Variants in ZNF385D observed in about 807,000 individuals in gnomAD.
ZNF385D encodes zinc finger protein 385D.
ZNF385D carries 15 observed loss-of-function variants against 35.8 expected under a neutral mutation model. The ratio of observed to expected loss-of-function variants is 0.42; its 90% CI spans 0.28 to 0.64. The LOEUF (loss-of-function observed/expected upper bound fraction) is 0.64, where lower values mean the gene tolerates loss of function less well. Ranked by LOEUF, ZNF385D falls within the 30% of genes least tolerant of loss-of-function variation. ZNF385D has a pLI of 0.23. For synonymous variants in ZNF385D, 212 were observed against 186.8 expected, an observed-to-expected ratio of 1.13 and a Z score of -1.10; for missense variants, 474 against 494.6, an observed-to-expected ratio of 0.96 and a Z score of 0.39.
intron 3 of ZNF385D, among the ~76,000 whole-genome samples, chr3:21,903,820 C>CGAA (rs1699537474): frequency 6.6e-6 from 1 of 152,084 alleles, no homozygotes; most frequent in Non-Finnish European, 1.5e-5. Context: ...AGCAGAAAGA[C>CGAA]TTTCCTGTGA....
intron 2 of ZNF385D, among the ~76,000 whole-genome samples, chr3:21,612,339 C>T (rs1348332871): frequency 6.6e-6 from 1 of 152,066 alleles, no homozygotes; most frequent in Admixed American, 6.6e-5. Context: ...ACCTCGTGAT[C>T]TGCCCACCTC....
chr3:22,317,427 C>T (rs184261170), intron 2 of ZNF385D, among the ~76,000 whole-genome samples: 1 of 151,962 alleles, frequency 6.6e-6, no homozygotes, highest in African/African-American at 2.4e-5. Flanking sequence ...GGAGTCATCA[C>T]CACCTCTAGA....
chr3:21,833,624 G>A (rs1695141448), intron 3 of ZNF385D, among the ~76,000 whole-genome samples: 1 of 152,134 alleles, frequency 6.6e-6, no homozygotes, highest in Non-Finnish European at 1.5e-5. Flanking sequence ...AATTTCTGTT[G>A]TTTTAAGACG....
chr3:22,189,711 G>C (rs1360015573), intron 2 of ZNF385D, among the ~76,000 whole-genome samples: 2 of 152,116 alleles, frequency 1.3e-5, no homozygotes, highest in Non-Finnish European at 2.9e-5. Flanking sequence ...GATATTTTTA[G>C]ATTTGTATGC....
At chr3:21,721,437 A>C (rs1221658911) in intron 1 of ZNF385D, among the ~76,000 whole-genome samples, 1 of 152,112 alleles carries the variant, frequency 6.6e-6, no homozygotes, top group African/African-American at 2.4e-5. Context: ...AGAGAGCATC[A>C]ACATTTGGCA....
intron 3 of ZNF385D, among the ~76,000 whole-genome samples, chr3:21,897,410 G>C (rs1048424578): frequency 2.6e-5 from 4 of 152,150 alleles, no homozygotes; most frequent in African/African-American, 9.7e-5. Flanking sequence ...CTCATGACTA[G>C]CTGCAAAATC....
chr3:22,312,106 C>T (rs1238747768), intron 2 of ZNF385D, among the ~76,000 whole-genome samples: 1 of 152,100 alleles, frequency 6.6e-6, no homozygotes, highest in Non-Finnish European at 1.5e-5. Context: ...GCAAAATTGC[C>T]TAAGTTCATA....
intron 3 of ZNF385D, among the ~76,000 whole-genome samples, chr3:21,978,561 C>T (rs769024577): frequency 6.6e-6 from 1 of 152,164 alleles, no homozygotes; most frequent in Non-Finnish European, 1.5e-5. Context: ...TGATCTGAGA[C>T]ATACGTTTGT....
At chr3:21,959,688 G>A (rs929482798) in intron 3 of ZNF385D, among the ~76,000 whole-genome samples, 1 of 152,178 alleles carries the variant, frequency 6.6e-6, no homozygotes, top group African/African-American at 2.4e-5. Flanking sequence ...CACAGAAAAG[G>A]AACCTTGGGC....
chr3:22,228,156 G>A (rs1218096488), intron 2 of ZNF385D, among the ~76,000 whole-genome samples: 1 of 152,174 alleles, frequency 6.6e-6, no homozygotes, highest in African/African-American at 2.4e-5. Flanking sequence ...GGCAATTGGT[G>A]AGACGATGAG....
intron 2 of ZNF385D, among the ~76,000 whole-genome samples, chr3:22,237,625 T>C (rs1576544232): frequency 6.6e-6 from 1 of 152,134 alleles, no homozygotes; most frequent in Non-Finnish European, 1.5e-5. Context: ...AAGATTTGTA[T>C]ACTTTTTGCT....
At chr3:21,702,996 A>G (rs1417920672) in intron 1 of ZNF385D, among the ~76,000 whole-genome samples, 1 of 151,936 alleles carries the variant, frequency 6.6e-6, no homozygotes, top group Non-Finnish European at 1.5e-5. Flanking sequence ...AACTGTTCCA[A>G]CCTCTGCCTG....
intron 2 of ZNF385D, among the ~76,000 whole-genome samples, chr3:22,185,912 C>G (rs1162564655): frequency 6.6e-6 from 1 of 152,160 alleles, no homozygotes; most frequent in Non-Finnish European, 1.5e-5. Context: ...AACCTGATAA[C>G]TTCATTTATT....
At chr3:22,155,117 A>G (rs2125727757) in intron 3 of ZNF385D, among the ~76,000 whole-genome samples, 1 of 152,284 alleles carries the variant, frequency 6.6e-6, no homozygotes, top group African/African-American at 2.4e-5. Flanking sequence ...AATTGCCCTG[A>G]TTTGATCATT....
intron 3 of ZNF385D, among the ~76,000 whole-genome samples, chr3:21,769,628 G>C (rs748195460): frequency 0.066 from 6,550 of 98,908 alleles, 490 homozygotes; most frequent in Non-Finnish European, 0.091. Context: ...TCATGGATAG[G>C]AAGAATCAAT....
chr3:21,632,567 A>G lies in ZNF385D; in HGVS notation c.165+32319T>C, dbSNP rs572274718. 3.3e-5 allele frequency among the ~76,000 whole-genome samples: 5 copies of G among 152,262 alleles called. No homozygotes were observed. The South Asian group carries it at 8.3e-4, about 25-fold the overall frequency. On this transcript the variant is annotated intron_variant, in intron 2 of 7. Coordinates refer to ENST00000281523, the MANE Select transcript of ZNF385D (RefSeq NM_024697.3). ...TCCAAAGGAATGCAGTTAAGGGGGG[A>G]AAAGGCAACATAATAGTGTTTTGCT...
At chr3:21,711,557 T>C (rs143402391) in intron 1 of ZNF385D, among the ~76,000 whole-genome samples, 4 of 152,158 alleles carry the variant, frequency 2.6e-5, no homozygotes, top group African/African-American at 7.2e-5. Flanking sequence ...CCAGAACCCA[T>C]ACATCATTGA....
rs541190188 is a variant in ZNF385D at position 22,264,605 on chromosome 3, A to T, written c.107-95570T>A. Among the ~76,000 whole-genome samples the T allele has an allele frequency of 5.9e-5, 9 of 152,020 alleles. No homozygotes were observed. The South Asian group carries it at 1.9e-3, about 32-fold the overall frequency. ...CTTCCTTGCTTCATTTACATGTATA[A>T]CCATATGCGGTGAAATATTAATATA... On this transcript the variant is annotated intron_variant, in intron 2 of 5. Coordinates refer to the ZNF385D transcript ENST00000494108.
chr3:21,543,967 T>C (rs2062281049), intron 3 of ZNF385D, among the ~76,000 whole-genome samples: 1 of 152,166 alleles, frequency 6.6e-6, no homozygotes, highest in Admixed American at 6.5e-5. Flanking sequence ...CCCTGTTTCT[T>C]AAAGGACCCC....
Sources: allele counts gnomAD v4.1 joint callset (sites outside exome capture counted in the v4.1 genomes callset), GRCh38; gene constraint gnomAD v4.1.1; transcripts MANE v1.5; gene names NCBI Gene and HGNC (gene_info 2026-07-23, HGNC 2026-07-21).